YPEL2: variants seen among roughly 807,000 people sequenced by gnomAD.
YPEL2 encodes the protein protein yippee-like 2.
A neutral mutation model predicts 19.1 loss-of-function variants in YPEL2; 2 were observed. The ratio of observed to expected loss-of-function variants is 0.10; its 90% confidence interval spans 0.04 to 0.33. YPEL2 has a LOEUF of 0.33. Among genes scored for constraint, YPEL2 ranks in the 10% least tolerant of loss-of-function variants. The pLI is 1.00. For missense variants in YPEL2, 66 were observed against 140.7 expected, an observed-to-expected ratio of 0.47 and a Z score of 2.68; for synonymous variants, 52 against 50.0, an observed-to-expected ratio of 1.04 and a Z score of -0.17.
At chr17:59,394,786 C>G (rs1157405254) in intron 4 of YPEL2, among the ~76,000 whole-genome samples, 1 of 152,246 alleles carries the variant, frequency 6.6e-6, no homozygotes, top group East Asian at 1.9e-4. Context: ...CACTGCACTT[C>G]AGCCTGGGCA....
intron 4 of YPEL2, among the ~76,000 whole-genome samples, chr17:59,391,094 AT>A (rs763753586): frequency 1.1e-4 from 16 of 152,100 alleles, no homozygotes; most frequent in Non-Finnish European, 2.1e-4. Context: ...CCTCCCTGTC[AT>A]TGTGAGGATA....
intron 1 of YPEL2, among the ~76,000 whole-genome samples, chr17:59,346,501 A>G (rs183563001): frequency 2.6e-4 from 40 of 152,166 alleles, no homozygotes; most frequent in African/African-American, 9.6e-4. Context: ...ACGCAGAGTA[A>G]GTTCGCCTCC....
Position 59,400,028 on chromosome 17 carries a change from AT to A in YPEL2, c.*2839del, listed in dbSNP as rs1306735170. 1 of 152,690 alleles carries A rather than the reference AT, an allele frequency of 6.5e-6. No homozygotes were observed. The highest frequency in any genetic ancestry group is 2.4e-5 in the African/African-American group (1 of 41,452). 9.5% of individuals were successfully genotyped at this position (152,690 alleles called of 1,614,324 possible). A position where few individuals can be genotyped will look rare whatever the true frequency, so the allele number is the denominator to read the frequency against. ...TCCAGCCAGCAGACTCTCTAGCTCCATCTCCCCTGTGCCACCCTAGGTCATA... is the reference window on the plus strand; with the variant it reads ...TCCAGCCAGCAGACTCTCTAGCTCCACTCCCCTGTGCCACCCTAGGTCATA... On this transcript the variant is annotated 3_prime_UTR_variant, in exon 5 of 5. Transcript: ENST00000312655.
chr17:59,351,553 G>A (rs913884666), intron 1 of YPEL2, among the ~76,000 whole-genome samples: 1 of 151,958 alleles, frequency 6.6e-6, no homozygotes, highest in African/African-American at 2.4e-5. Context: ...TGATGAAGGG[G>A]TTCTGGATCC....
chr17:59,395,033 G>A (rs2048031514), intron 4 of YPEL2, among the ~76,000 whole-genome samples: 2 of 152,238 alleles, frequency 1.3e-5, no homozygotes, highest in South Asian at 2.1e-4. Context: ...AGTCGAGATG[G>A]CATCAGTACA....
In YPEL2 at chr17:59,377,334, C is replaced by T. The variant is rs529358802; in HGVS notation, c.118-10993C>T. Among the ~76,000 whole-genome samples the T allele has an allele frequency of 6.0e-4, 91 of 152,330 alleles. 1 individual carries two copies. The highest frequency in any genetic ancestry group is 9.8e-4 in the Non-Finnish European group (67 of 68,032). On this transcript the variant is annotated intron_variant, in intron 2 of 4. Transcript: ENST00000312655. ...AGACATTTGAGCTCCAATATTTCAG[C>T]CCTCCTAAAGGTTCTGGCTTATATT...
chr17:59,397,256 G>A lies in YPEL2; in HGVS notation c.*66G>A, dbSNP rs961079443. 2.1e-5 allele frequency: 27 copies of A among 1,292,394 alleles called. No individual in the cohort carries two copies. The highest frequency in any genetic ancestry group is 6.0e-5 in the African/African-American group (4 of 66,154). 80.1% of individuals were successfully genotyped at this position (1,292,394 alleles called of 1,614,324 possible). ...ATTCAACCGAACATTCTTCCCAAGCGTGAGAGAGTGACTGACACTTGGTTC... is the reference window on the plus strand; with the variant it reads ...ATTCAACCGAACATTCTTCCCAAGCATGAGAGAGTGACTGACACTTGGTTC... On this transcript the variant is annotated 3_prime_UTR_variant, in exon 5 of 5. Transcript: ENST00000312655.
chr17:59,345,821 C>T (rs2047752948), intron 1 of YPEL2, among the ~76,000 whole-genome samples: 2 of 152,192 alleles, frequency 1.3e-5, no homozygotes, highest in Non-Finnish European at 2.9e-5. Context: ...GGGTGCTGTG[C>T]TGAATACTCC....
At chr17:59,356,555 T>A (rs2047813981) in intron 2 of YPEL2, among the ~76,000 whole-genome samples, 1 of 152,246 alleles carries the variant, frequency 6.6e-6, no homozygotes, top group African/African-American at 2.4e-5. Flanking sequence ...GAGGCCTAGT[T>A]GCTTGCAATC....
chr17:59,334,250 C>T (rs758054916), intron 1 of YPEL2, among the ~76,000 whole-genome samples: 24 of 152,058 alleles, frequency 1.6e-4, no homozygotes, highest in Non-Finnish European at 2.2e-4. Flanking sequence ...ATGATTTTCA[C>T]GGTTTTGAGG....
chr17:59,372,659 T>G (rs2047902475), intron 2 of YPEL2, among the ~76,000 whole-genome samples: 2 of 152,198 alleles, frequency 1.3e-5, no homozygotes, highest in South Asian at 4.1e-4. Flanking sequence ...AAGAATGCCC[T>G]GTGTTTAGAT....
At chr17:59,387,618 G>GCTCCTGTTT (rs2047987266) in intron 2 of YPEL2, among the ~76,000 whole-genome samples, 1 of 152,150 alleles carries the variant, frequency 6.6e-6, no homozygotes, top group Non-Finnish European at 1.5e-5. Flanking sequence ...GCAGGCTCTG[G>GCTCCTGTTT]CTCCTGTTTC....
intron 2 of YPEL2, among the ~76,000 whole-genome samples, chr17:59,361,460 C>A (rs2047840478): frequency 6.6e-6 from 1 of 152,202 alleles, no homozygotes; most frequent in South Asian, 2.1e-4. Context: ...GCAGTTATCA[C>A]AGTGTGATGA....
intron 2 of YPEL2, among the ~76,000 whole-genome samples, chr17:59,364,907 C>T (rs889554505): frequency 6.6e-6 from 1 of 152,188 alleles, no homozygotes; most frequent in African/African-American, 2.4e-5. Context: ...GCTGGGATTA[C>T]GGGTATGAGC....
rs531520624 is a variant in YPEL2, at chr17:59,364,174, G to T, written c.117+10648G>T. ...AGTCATAGATGCTCAGAACTTTGTGGCTGGAGGTACCTTTGAACCTGGAGT... is the reference window on the plus strand; with the variant it reads ...AGTCATAGATGCTCAGAACTTTGTGTCTGGAGGTACCTTTGAACCTGGAGT... On this transcript the variant is annotated intron_variant, in intron 2 of 4. Transcript: ENST00000312655. Among the ~76,000 whole-genome samples the T allele has an allele frequency of 2.0e-5, 3 of 152,270 alleles. No homozygotes were observed. The East Asian group carries it at 5.8e-4, about 29-fold the overall frequency.
intron 2 of YPEL2, among the ~76,000 whole-genome samples, chr17:59,369,692 G>A (rs974077761): frequency 3.3e-5 from 5 of 152,226 alleles, no homozygotes; most frequent in African/African-American, 7.2e-5. Flanking sequence ...TAGGACAAGC[G>A]TTCTCAGTAC....
chr17:59,334,501 C>G (rs140333174), intron 1 of YPEL2, among the ~76,000 whole-genome samples: 163 of 151,590 alleles, frequency 1.1e-3, no homozygotes, highest in African/African-American at 3.7e-3. Flanking sequence ...TTGTGATGGC[C>G]CAGTCCCTGT....
chr17:59,391,836 G>T (rs1266283346), intron 4 of YPEL2, among the ~76,000 whole-genome samples: 4 of 152,032 alleles, frequency 2.6e-5, no homozygotes, highest in Non-Finnish European at 5.9e-5. Context: ...GGAGGCGGAG[G>T]TTGCAGTGAG....
intron 2 of YPEL2, among the ~76,000 whole-genome samples, chr17:59,359,684 C>G (rs1186093201): frequency 6.6e-6 from 1 of 152,082 alleles, no homozygotes; most frequent in Non-Finnish European, 1.5e-5. Flanking sequence ...AAACCATACT[C>G]GAATAAAATT....
Sources: allele counts gnomAD v4.1 joint callset (sites outside exome capture counted in the v4.1 genomes callset), GRCh38; gene constraint gnomAD v4.1.1; transcripts MANE v1.5; gene names NCBI Gene and HGNC (gene_info 2026-07-23, HGNC 2026-07-21).